LAMA4: variants seen among roughly 807,000 people sequenced by gnomAD.
LAMA4 encodes laminin subunit alpha-4.
In LAMA4, 127 loss-of-function variants were observed where a neutral mutation model predicts 207.1. The observed-to-expected ratio is 0.61, with a 90% CI of 0.53 to 0.71. The LOEUF (loss-of-function observed/expected upper bound fraction) is 0.71, where lower values mean the gene tolerates loss of function less well. LAMA4 is among the 30% of genes least tolerant of loss of function. LAMA4 has a pLI of 0.00. For synonymous variants in LAMA4, 761 were observed against 816.0 expected (o/e 0.93, Z 1.15); for missense variants, 2,093 against 2,246.5 (o/e 0.93, Z 1.38).
At chr6:112,145,036 G>A (rs969819061) in intron 18 of LAMA4, 103 bp from the exon 19 acceptor site, 25 of 1,130,872 alleles carry the variant, frequency 2.2e-5, no homozygotes, top group Middle Eastern at 5.5e-4. Context: ...AGAACTAAGA[G>A]AAATGATTTT....
At chr6:112,228,163 G>T (rs752675947) in intron 2 of LAMA4, among the ~76,000 whole-genome samples, 1 of 152,202 alleles carries the variant, frequency 6.6e-6, no homozygotes, top group East Asian at 1.9e-4. Flanking sequence ...CATGACAAGA[G>T]TAACCCACAA....
At chr6:112,129,729 T>C (rs1218650479) in intron 30 of LAMA4, 147 bp downstream of exon 30, 7 of 679,562 alleles carry the variant, frequency 1.0e-5, no homozygotes, top group Non-Finnish European at 1.7e-5. Flanking sequence ...AACCCAAGTA[T>C]GACAGTTTCT....
chr6:112,163,053 C>G (rs531115877), intron 13 of LAMA4, among the ~76,000 whole-genome samples: 45 of 150,702 alleles, frequency 3.0e-4, no homozygotes, highest in Admixed American at 2.6e-3. Flanking sequence ...CTCACTGCAG[C>G]CTGCACTTCC....
intron 2 of LAMA4, chr6:112,236,503 T>A (rs576691208): frequency 6.6e-6 from 1 of 152,300 alleles, no homozygotes; most frequent in East Asian, 1.9e-4. Context: ...AATTCCAATA[T>A]TTGGCAGTTG....
At chr6:112,165,333 G>A (rs2114831230) in intron 12 of LAMA4, 57 bp from the exon 13 acceptor site, 1 of 1,121,498 alleles carries the variant, frequency 8.9e-7, no homozygotes, top group East Asian at 2.4e-5. Flanking sequence ...GGAAAGCGTT[G>A]GGGAGAGCAG....
intron 2 of LAMA4, among the ~76,000 whole-genome samples, chr6:112,240,944 T>A (rs1786378999): frequency 6.6e-6 from 1 of 151,274 alleles, no homozygotes; most frequent in African/African-American, 2.4e-5. Context: ...TAGCTCAATT[T>A]TTATTTTTTA....
chr6:112,175,631 G>A, intron 10 of LAMA4, 151 bp from the exon 11 acceptor site: 1 of 770,656 alleles, frequency 1.3e-6, no homozygotes, highest in Non-Finnish European at 2.2e-6. Context: ...TGTTCATGCT[G>A]TGAATCCCAG....
intron 19 of LAMA4, among the ~76,000 whole-genome samples, chr6:112,143,614 G>A (rs1779842243): frequency 6.6e-6 from 1 of 152,160 alleles, no homozygotes; most frequent in Non-Finnish European, 1.5e-5. Flanking sequence ...AACAAGCAGT[G>A]TGGGGGATTA....
rs559462701 is a variant in LAMA4 at position 112,240,837 on chromosome 6, T to C, written c.195+13119A>G. On this transcript the variant is annotated intron_variant, in intron 2 of 38. Transcript: ENST00000230538. ...TCCAAATCTTTGCTATTGTAAACAG[T>C]GCTGTGACAAATATAGGAGTGCAGA... Among the ~76,000 whole-genome samples, 18 of 152,242 alleles carry C rather than the reference T, an allele frequency of 1.2e-4. No homozygotes were observed. In the East Asian group the frequency reaches 2.9e-3, roughly 24 times the overall value.
intron 3 of LAMA4, among the ~76,000 whole-genome samples, chr6:112,211,882 G>A (rs1355853331): frequency 4.6e-5 from 7 of 152,156 alleles, no homozygotes; most frequent in African/African-American, 7.2e-5. Flanking sequence ...TTTGAAAGAC[G>A]TCTCCATTGC....
At chr6:112,160,063 T>G (rs1780959021) in intron 13 of LAMA4, among the ~76,000 whole-genome samples, 1 of 152,208 alleles carries the variant, frequency 6.6e-6, no homozygotes, top group African/African-American at 2.4e-5. Context: ...AAGCCATGCC[T>G]GCTGCTTAGC....
rs1405805053 is a variant in LAMA4 at position 112,240,001 on chromosome 6, A to T, written c.195+13955T>A. Among the ~76,000 whole-genome samples, 5 of 152,078 alleles carry T rather than the reference A, an allele frequency of 3.3e-5. No homozygotes were observed. The East Asian group carries it at 7.8e-4, about 24-fold the overall frequency. On this transcript the variant is annotated intron_variant, in intron 2 of 38. Coordinates refer to ENST00000230538, the MANE Select transcript of LAMA4 (RefSeq NM_001105206.3). ...AACCCGGGAGGCGGAGCTTGCAGTG[A>T]GCCTAGGTCGCGCCACTGCACCCCA... is the stretch of plus-strand genomic sequence containing the variant.
chr6:112,189,804 T>C (rs1480975936), intron 6 of LAMA4, among the ~76,000 whole-genome samples: 2 of 152,166 alleles, frequency 1.3e-5, no homozygotes, highest in African/African-American at 4.8e-5. Flanking sequence ...TTTACATGAA[T>C]TTAGAAGACG....
intron 20 of LAMA4, 55 bp from the exon 21 acceptor site, chr6:112,141,558 C>A: frequency 7.4e-7 from 1 of 1,343,332 alleles, no homozygotes; most frequent in Non-Finnish European, 1.1e-6. Context: ...GAATGAACAT[C>A]ATCTTTTTTA....
chr6:112,114,298 A>G (rs1554322615), intron 37 of LAMA4, 103 bp from the exon 38 acceptor site: 14 of 1,181,452 alleles, frequency 1.2e-5, no homozygotes, highest in Non-Finnish European at 1.3e-6. Context: ...TTATTCCAGA[A>G]TAAAACCCAC....
rs1385639603 is a variant in LAMA4, at chr6:112,118,108, A to G, written c.4822-210T>C. On this transcript the variant is annotated intron_variant, in intron 34 of 38. Transcript: ENST00000230538. The surrounding 1 kb of genome is among the most constrained non-coding windows in gnomAD (Gnocchi z 4.6). ...TTTGTATTTGATAATGTCAACCTGT[A>G]GTAATTAAGCTATGGACATTTTTAT... Among the ~76,000 whole-genome samples, 1 of 152,216 alleles carries G rather than the reference A, an allele frequency of 6.6e-6. No homozygotes were observed.
chr6:112,142,995 G>A (rs1779796018), intron 19 of LAMA4, among the ~76,000 whole-genome samples: 3 of 152,114 alleles, frequency 2.0e-5, no homozygotes, highest in Admixed American at 6.5e-5. Flanking sequence ...TCTTATAATG[G>A]CTCACAGAAA....
At chr6:112,120,792 C>T (rs1277085267) in intron 32 of LAMA4, among the ~76,000 whole-genome samples, 5 of 152,090 alleles carry the variant, frequency 3.3e-5, no homozygotes, top group Admixed American at 3.3e-4. Context: ...GCCTATAATC[C>T]CAGCAATTTG....
chr6:112,248,857 G>A (rs1390637457), intron 2 of LAMA4, among the ~76,000 whole-genome samples: 2 of 152,092 alleles, frequency 1.3e-5, no homozygotes, highest in Non-Finnish European at 2.9e-5. Context: ...AGAAAGCAGA[G>A]AAAGGAATAT....
Sources: gnomAD v4.1 joint callset for allele counts (sites outside exome capture counted in the v4.1 genomes callset) on GRCh38, gnomAD v4.1.1 for gene constraint, Gnocchi (gnomAD v3.1) non-coding constraint, MANE v1.5 for transcripts, NCBI Gene and HGNC (gene_info 2026-07-23, HGNC 2026-07-21) for gene names.